ARHGAP29: variants seen among roughly 807,000 people sequenced by gnomAD.
The protein encoded by ARHGAP29 is rho GTPase-activating protein 29.
A neutral mutation model predicts 122.6 loss-of-function variants in ARHGAP29; 43 were observed. The observed-to-expected ratio is 0.35, with a 90% CI of 0.27 to 0.45. The LOEUF is 0.45. ARHGAP29 is among the 20% of genes least tolerant of loss of function. The probability of loss-of-function intolerance (pLI) is 1.00; values close to 1 mark genes in which losing one functional copy is unlikely to be tolerated. For missense variants in ARHGAP29, 1,303 were observed against 1,477.2 expected (o/e 0.88, Z 1.93); for synonymous variants, 506 against 497.1 (o/e 1.02, Z -0.24).
the ARHGAP29 span, among the ~76,000 whole-genome samples, chr1:94,281,405 C>T: frequency 6.6e-6 from 1 of 152,102 alleles, no homozygotes; most frequent in African/African-American, 2.4e-5. Context: ...AAGCACAAGG[C>T]AGGAGGTGTG....
chr1:94,201,762 T>C lies in ARHGAP29; in HGVS notation c.1239A>G (p.Gln413=). ...CACACTGGAAAACAAGTGTCCGGAG[T>C]TGTGCTAAAATTTCTCTTTTGGTAT... ...LENTKREILA[Q]LRTLVFQCDL... is the part of the protein sequence containing the mutation. Residue 413 remains glutamine, a synonymous_variant, in exon 12 of 23, where the codon CAA becomes CAG. Transcript: ENST00000260526. 6.2e-7 allele frequency: 1 copy of C among 1,613,846 alleles called. No homozygotes were observed. The highest frequency in any genetic ancestry group is 8.5e-7 in the Non-Finnish European group (1 of 1,179,960).
the ARHGAP29 span, among the ~76,000 whole-genome samples, chr1:94,300,214 A>G: frequency 6.6e-6 from 1 of 152,144 alleles, no homozygotes; most frequent in East Asian, 1.9e-4. Flanking sequence ...ATATTCCTTA[A>G]CTATTTCTTG....
At chr1:94,230,651 C>A (rs1652868577) in intron 2 of ARHGAP29, among the ~76,000 whole-genome samples, 1 of 151,660 alleles carries the variant, frequency 6.6e-6, no homozygotes, top group Non-Finnish European at 1.5e-5. Flanking sequence ...ATATAAATAA[C>A]ACTGAGAATC....
chr1:94,209,337 T>C lies in ARHGAP29; in HGVS notation c.354A>G (p.Thr118=), dbSNP rs1306580278. 1 of 1,605,852 alleles carries C rather than the reference T, an allele frequency of 6.2e-7. No homozygotes were observed. The highest frequency in any genetic ancestry group is 2.2e-5 in the East Asian group (1 of 44,686). Residue 118 remains threonine (T), a synonymous_variant, in exon 4 of 23, where the codon ACA becomes ACG. Coordinates refer to ENST00000260526, the MANE Select transcript of ARHGAP29 (RefSeq NM_004815.4). ...CGTTTTTGTTTTCTTCATTAACTTC[T>C]GTGAAGTTCACAGCTGTAAGGAAAA... ...LTAKVKAVNF[T]EVNEENKNDL...
chr1:94,191,460 T>C (rs1650128441), intron 12 of ARHGAP29: 1 of 152,144 alleles, frequency 6.6e-6, no homozygotes. Context: ...GCATAAATAG[T>C]ATTTGAAAAG....
At chr1:94,209,048 G>C in intron 4 of ARHGAP29, 144 bp from the exon 5 acceptor site, 1 of 842,178 alleles carries the variant, frequency 1.2e-6, no homozygotes, top group South Asian at 1.8e-5. Context: ...ATAAACCACA[G>C]TCACTTGCAA....
chr1:94,191,401 C>G (rs976626637), intron 12 of ARHGAP29: 1 of 152,128 alleles, frequency 6.6e-6, no homozygotes, highest in African/African-American at 2.4e-5. Flanking sequence ...TAATTAGCCT[C>G]TAAGTCCTTT....
chr1:94,240,212 C>T (rs1242750002), upstream of ARHGAP29, among the ~76,000 whole-genome samples: 10 of 152,204 alleles, frequency 6.6e-5, no homozygotes, highest in South Asian at 1.7e-3. Context: ...ATTTGGGAAT[C>T]GAGGAATGTT....
chr1:94,203,504 G>A (rs1366189219), intron 8 of ARHGAP29, among the ~76,000 whole-genome samples: 2 of 152,186 alleles, frequency 1.3e-5, no homozygotes, highest in Non-Finnish European at 1.5e-5. Flanking sequence ...GGAGGCCAAG[G>A]TGGGTGGATT....
chr1:94,268,790 GAT>G (rs35386303), intron 1 of ARHGAP29, among the ~76,000 whole-genome samples: 3,982 of 150,378 alleles, frequency 0.026, 172 homozygotes, highest in African/African-American at 0.092. Context: ...GGCTCAAGAA[GAT>G]ATATATATAT....
intron 12 of ARHGAP29, among the ~76,000 whole-genome samples, chr1:94,197,768 G>A (rs531469976): frequency 1.1e-3 from 162 of 152,212 alleles, no homozygotes; most frequent in Admixed American, 1.6e-3. Flanking sequence ...ATCAAATAAT[G>A]CAGAAAAATA....
chr1:94,238,903 C>G (rs566287577), upstream of ARHGAP29, among the ~76,000 whole-genome samples: 3 of 152,096 alleles, frequency 2.0e-5, no homozygotes, highest in African/African-American at 7.2e-5. Flanking sequence ...TGAACCCTTA[C>G]AGGAAAAACA....
At chr1:94,236,376 G>C (rs985265358) in intron 1 of ARHGAP29, among the ~76,000 whole-genome samples, 1 of 152,170 alleles carries the variant, frequency 6.6e-6, no homozygotes, top group Admixed American at 6.5e-5. Flanking sequence ...TTGCCAAAGA[G>C]CAAGTTCCTC....
intron 12 of ARHGAP29, among the ~76,000 whole-genome samples, chr1:94,199,339 A>C (rs1334079192): frequency 6.6e-6 from 1 of 152,226 alleles, no homozygotes; most frequent in Non-Finnish European, 1.5e-5. Flanking sequence ...TGCAGAGGCA[A>C]TTTAATGAAA....
chr1:94,177,609 C>A lies in ARHGAP29; in HGVS notation c.2905+3G>T. 1 of 1,591,108 alleles carries A rather than the reference C, an allele frequency of 6.3e-7. No homozygotes were observed. The highest frequency in any genetic ancestry group is 1.2e-5 in the South Asian group (1 of 86,182). On this transcript the variant is annotated splice_donor_region_variant and intron_variant, in intron 22 of 22. Transcript: ENST00000260526. ...CATATTTTTTTTTTACATGGCTACT[C>A]ACCACTGAGACATGCATCACATTTT...
chr1:94,221,654 AATGT>A (rs1279939698), intron 2 of ARHGAP29, among the ~76,000 whole-genome samples: 8 of 150,900 alleles, frequency 5.3e-5, no homozygotes, highest in East Asian at 1.9e-4. Flanking sequence ...TATACATACA[AATGT>A]ATGTGCACAT....
At chr1:94,260,350 C>A (rs752692189) in intron 1 of ARHGAP29, among the ~76,000 whole-genome samples, 2 of 152,200 alleles carry the variant, frequency 1.3e-5, no homozygotes, top group Admixed American at 1.3e-4. Context: ...TGCCTCAAAT[C>A]TGATGGACTC....
chr1:94,174,748 G>C lies in ARHGAP29; in HGVS notation c.2907C>G (p.Asp969Glu), dbSNP rs374721703. ...ALGKCDACLS[D>E]KAQLLLDQEA... ...CTTGGTCTAGAAGCAACTGTGCTTT[G>C]TCTGAAAATGAAAGAAATCTATTTA... Residue 969 changes from aspartate (D) to glutamate (E), a missense_variant and splice_region_variant, in exon 23 of 23, where the codon GAC (aspartate) becomes GAG (glutamate). Asp to Glu is a conservative substitution (Grantham distance 45). Transcript: ENST00000260526. 5.1e-5 allele frequency: 82 copies of C among 1,609,298 alleles called. No individual in the cohort carries two copies. Among genetic ancestry groups the C allele is most frequent in the Non-Finnish European group, 6.5e-5 (76 of 1,178,178 alleles).
In ARHGAP29 at chr1:94,202,645, G is replaced by A. The variant is rs777187517; in HGVS notation, c.1042C>T (p.Arg348Cys). The A allele has an allele frequency of 3.1e-6, 5 of 1,614,092 alleles. No individual in the cohort carries two copies. The highest frequency in any genetic ancestry group is 3.4e-6 in the Non-Finnish European group (4 of 1,180,018). The part of the protein sequence containing the change: ...EYEKAKSSMF[R>C]AEEEHLSSSG... The stretch of plus-strand genomic sequence containing the variant: ...GAAGACAGATGCTCCTCTTCTGCAC[G>A]AAACATGGAAGACTTTGCTTTCTCA... Residue 348 changes from arginine (R) to cysteine (C), a missense_variant, in exon 11 of 23, where the codon CGT (arginine) becomes TGT (cysteine). This residue lies in a region of ARHGAP29 where 592 missense variants were observed against 648.2 expected (regional missense o/e 0.91). Coordinates refer to ENST00000260526, the MANE Select transcript of ARHGAP29 (RefSeq NM_004815.4).
Sources: gnomAD v4.1 joint callset for allele counts (sites outside exome capture counted in the v4.1 genomes callset) on GRCh38, gnomAD v4.1.1 for gene constraint, gnomAD v4.1.1 regional missense constraint, MANE v1.5 for transcripts, NCBI Gene and HGNC (gene_info 2026-07-23, HGNC 2026-07-21) for gene names.